NPAS2: variants seen among roughly 807,000 people sequenced by gnomAD.
NPAS2 encodes neuronal PAS domain-containing protein 2.
Under a neutral mutation model 107.5 loss-of-function variants are expected in NPAS2, and 23 were observed. The ratio of observed to expected loss-of-function variants is 0.21; its 90% CI spans 0.15 to 0.30. NPAS2 has a LOEUF of 0.30. NPAS2 is among the 10% of genes least tolerant of loss of function. NPAS2 has a pLI of 1.00. For synonymous variants in NPAS2, 403 were observed against 417.5 expected (o/e 0.97, Z 0.42); for missense variants, 756 against 1,043.3 (o/e 0.72, Z 3.79).
Position 100,952,323 on chromosome 2 carries a change from G to A in NPAS2, c.598+2843G>A, listed in dbSNP as rs76868392. Reference sequence around the variant, plus strand: ...TGCTCCCTCTTGCCCCATGACAACAGTGCACACACTTCGGGCAGATCACCT... The same window carrying A: ...TGCTCCCTCTTGCCCCATGACAACAATGCACACACTTCGGGCAGATCACCT... On this transcript the variant is annotated intron_variant, in intron 7 of 20. Transcript: ENST00000335681. 4.6e-5 allele frequency among the ~76,000 whole-genome samples: 7 copies of A among 152,232 alleles called. No individual in the cohort carries two copies. In the East Asian group the frequency reaches 1.4e-3, roughly 29 times the overall value.
At position 100,904,318 on chromosome 2, in the gene NPAS2, A is replaced by G. The variant is rs182759361; in HGVS notation, c.-22-415A>G. ...GCTTCACTGAGCAGGTCTGGACAGC[A>G]CTTCTCAAAGTGTGGTCTGAAGACC... is the stretch of plus-strand genomic sequence containing the variant. On this transcript the variant is annotated intron_variant, in intron 1 of 20. Coordinates refer to ENST00000335681, the MANE Select transcript of NPAS2 (RefSeq NM_002518.4). Among the ~76,000 whole-genome samples the G allele has an allele frequency of 3.3e-5, 5 of 152,340 alleles. No homozygotes were observed. In the East Asian group the frequency reaches 9.7e-4, roughly 29 times the overall value.
upstream of NPAS2, among the ~76,000 whole-genome samples, chr2:100,819,836 C>T (rs1289846656): frequency 2.0e-5 from 3 of 152,078 alleles, no homozygotes; most frequent in Non-Finnish European, 2.9e-5. This position sits in a 1 kb window ranked among gnomAD's most constrained non-coding sequence, Gnocchi z 5.8. Flanking sequence ...ACCCTGCGCC[C>T]CAGGCCCGAC....
At chr2:100,970,670 A>G (rs1232927058) in intron 11 of NPAS2, 2 of 237,688 alleles carry the variant, frequency 8.4e-6, no homozygotes, top group Non-Finnish European at 1.6e-5. Flanking sequence ...CTTATCCCAT[A>G]GACGAAAATG....
chr2:100,995,904 A>T lies in NPAS2; in HGVS notation c.*322A>T, dbSNP rs1356899995. On this transcript the variant is annotated 3_prime_UTR_variant, in exon 21 of 21. Coordinates refer to ENST00000335681, the MANE Select transcript of NPAS2 (RefSeq NM_002518.4). ...GGCGCATCTCGCTGCATCCCCCGAGAGTACACCGGTTGCTCTAGCCACCTG... is the reference window on the plus strand; with the variant it reads ...GGCGCATCTCGCTGCATCCCCCGAGTGTACACCGGTTGCTCTAGCCACCTG... 1.4e-6 allele frequency: 2 copies of T among 1,440,540 alleles called. No individual in the cohort carries two copies. Among genetic ancestry groups the T allele is most frequent in the Non-Finnish European group, 1.8e-6 (2 of 1,083,478 alleles). The allele number at this position is 1,440,540 out of a possible 1,614,324, so 89.2% of individuals were successfully genotyped here.
At chr2:100,940,838 G>T (rs1674530478) in intron 5 of NPAS2, among the ~76,000 whole-genome samples, 1 of 152,200 alleles carries the variant, frequency 6.6e-6, no homozygotes. Flanking sequence ...CTCAGAGTGT[G>T]GGGCTCAGAA....
At chr2:100,826,185 T>A (rs1207635089) in intron 1 of NPAS2, among the ~76,000 whole-genome samples, 1 of 152,214 alleles carries the variant, frequency 6.6e-6, no homozygotes, top group Non-Finnish European at 1.5e-5. Context: ...GACTCACGCC[T>A]GTAATCCCAG....
intron 1 of NPAS2, chr2:100,901,561 C>T: frequency 1.0e-6 from 1 of 984,854 alleles, no homozygotes; most frequent in Non-Finnish European, 1.2e-6. Flanking sequence ...TGCAGAGGAT[C>T]CTGCAGACAT....
chr2:100,982,476 A>T (rs1364611754), intron 16 of NPAS2, 99 bp downstream of exon 16: 6 of 1,391,132 alleles, frequency 4.3e-6, no homozygotes, highest in African/African-American at 1.4e-5. Context: ...AAGCCCTGTG[A>T]ACTGCCCTGC....
chr2:100,879,548 ATC>A (rs1375891499), intron 1 of NPAS2, among the ~76,000 whole-genome samples: 3 of 151,288 alleles, frequency 2.0e-5, no homozygotes, highest in Non-Finnish European at 4.4e-5. Flanking sequence ...TTCTTCTCTT[ATC>A]TCTGTTTTTT....
At chr2:100,866,316 C>T (rs1292287148) in intron 1 of NPAS2, among the ~76,000 whole-genome samples, 1 of 152,160 alleles carries the variant, frequency 6.6e-6, no homozygotes, top group Non-Finnish European at 1.5e-5. Flanking sequence ...TGATTTTATT[C>T]CCCTCCCTGT....
At chr2:100,901,157 G>A (rs547192720) in intron 1 of NPAS2, among the ~76,000 whole-genome samples, 3 of 152,264 alleles carry the variant, frequency 2.0e-5, no homozygotes, top group East Asian at 1.9e-4. Flanking sequence ...AAAGGTGTGG[G>A]TGGAGAGTAG....
chr2:100,842,961 C>T (rs543195865), intron 1 of NPAS2, among the ~76,000 whole-genome samples: 1 of 152,274 alleles, frequency 6.6e-6, no homozygotes, highest in South Asian at 2.1e-4. Context: ...TGGCTCATGC[C>T]TGTAATCCCA....
intron 7 of NPAS2, among the ~76,000 whole-genome samples, chr2:100,959,330 A>G (rs1398978021): frequency 6.6e-6 from 1 of 152,096 alleles, no homozygotes; most frequent in Non-Finnish European, 1.5e-5. Context: ...CTTTTCTCCA[A>G]CATTGCTCTT....
intron 1 of NPAS2, among the ~76,000 whole-genome samples, chr2:100,853,420 T>G (rs1678340835): frequency 6.6e-6 from 1 of 152,224 alleles, no homozygotes; most frequent in African/African-American, 2.4e-5. Flanking sequence ...AGCTCACCAG[T>G]GTCCTAAGTG....
chr2:100,919,086 A>G (rs1461821904), intron 2 of NPAS2, among the ~76,000 whole-genome samples: 1 of 152,234 alleles, frequency 6.6e-6, no homozygotes, highest in Admixed American at 6.5e-5. Context: ...TGACAGACAC[A>G]AGTTGAATAA....
At chr2:100,879,452 C>T (rs1367699619) in intron 1 of NPAS2, among the ~76,000 whole-genome samples, 1 of 152,190 alleles carries the variant, frequency 6.6e-6, no homozygotes, top group Non-Finnish European at 1.5e-5. Context: ...CCCCCCTCAC[C>T]TGCTACTTTG....
intron 1 of NPAS2, among the ~76,000 whole-genome samples, chr2:100,851,472 C>T (rs1229373958): frequency 6.6e-6 from 1 of 152,188 alleles, no homozygotes; most frequent in Non-Finnish European, 1.5e-5. Flanking sequence ...TTCGGGGACT[C>T]CTCCCAAGGG....
At chr2:100,948,609 A>T (rs1157967706) in intron 6 of NPAS2, among the ~76,000 whole-genome samples, 1 of 128,084 alleles carries the variant, frequency 7.8e-6, no homozygotes. Context: ...TTTTGTGTAT[A>T]TGATAAGATT....
At chr2:100,824,503 A>G (rs947026654) in intron 1 of NPAS2, among the ~76,000 whole-genome samples, 13 of 152,212 alleles carry the variant, frequency 8.5e-5, no homozygotes, top group Non-Finnish European at 1.3e-4. Context: ...GCATTGGTCT[A>G]TTCTGTGGTG....
Sources: gnomAD v4.1 joint callset for allele counts (sites outside exome capture counted in the v4.1 genomes callset) on GRCh38, gnomAD v4.1.1 for gene constraint, Gnocchi (gnomAD v3.1) non-coding constraint, MANE v1.5 for transcripts, NCBI Gene and HGNC (gene_info 2026-07-23, HGNC 2026-07-21) for gene names.